NLRP14: variants seen among roughly 807,000 people sequenced by gnomAD.
NLRP14 encodes NLR family pyrin domain containing 14, also known as NACHT, LRR and PYD domains-containing protein 14.
In NLRP14, 105 loss-of-function variants were observed where a neutral mutation model predicts 94.7. The ratio of observed to expected loss-of-function variants is 1.11; its 90% confidence interval spans 0.95 to 1.30. The LOEUF (loss-of-function observed/expected upper bound fraction) is 1.30, where lower values mean the gene tolerates loss of function less well. Among genes scored for constraint, NLRP14 ranks in the 50% most tolerant of loss-of-function variants. The pLI, the probability that NLRP14 is intolerant of heterozygous loss-of-function variation, is 0.00. For missense variants in NLRP14, 1,362 were observed against 1,254.1 expected, an observed-to-expected ratio of 1.09 and a Z score of -1.30; for synonymous variants, 508 against 459.9, an observed-to-expected ratio of 1.10 and a Z score of -1.34.
the NLRP14 span, among the ~76,000 whole-genome samples, chr11:7,077,001 G>T: frequency 6.6e-6 from 1 of 152,202 alleles, no homozygotes; most frequent in Non-Finnish European, 1.5e-5. Flanking sequence ...ATCATGGGAA[G>T]CCCCGCAGAC....
intron 6 of NLRP14, among the ~76,000 whole-genome samples, chr11:7,056,900 A>G (rs1370562594): frequency 6.6e-6 from 1 of 152,018 alleles, no homozygotes; most frequent in African/African-American, 2.4e-5. Flanking sequence ...TTAAGATTTA[A>G]TTCTGGGCTT....
chr11:7,059,761 A>C, intron 8 of NLRP14, 133 bp from the exon 9 acceptor site: 1 of 758,422 alleles, frequency 1.3e-6, no homozygotes, highest in Non-Finnish European at 2.3e-6. Context: ...ACAGGCTGGC[A>C]GTGAGGGTGT....
At position 7,070,325 on chromosome 11, in the gene NLRP14, T is replaced by C. The variant is rs1852772877; in HGVS notation, c.3015T>C (p.Asp1005=). ...GTTTGACATCTCTCTGCTGTCAAGA[T>C]CTCTCCTCTGCTCTTATCTGCAACA... ...YCGLTSLCCQ[D]LSSALICNKR... is the part of the protein sequence containing the mutation. Residue 1005 remains aspartate (D), a synonymous_variant, in exon 11 of 12, where the codon GAT becomes GAC. Coordinates refer to ENST00000299481, the MANE Select transcript of NLRP14 (RefSeq NM_176822.4). 1 of 1,612,002 alleles carries C rather than the reference T, an allele frequency of 6.2e-7. No homozygotes were observed. Among genetic ancestry groups the C allele is most frequent in the Non-Finnish European group, 8.5e-7 (1 of 1,178,302 alleles).
chr11:7,041,318 G>T (rs1589861122), intron 3 of NLRP14, among the ~76,000 whole-genome samples: 1 of 152,074 alleles, frequency 6.6e-6, no homozygotes, highest in East Asian at 1.9e-4. Context: ...CATAAAGTGA[G>T]TTTCTCACTC....
At chr11:7,073,005 G>A (rs1852824871), downstream of NLRP14, among the ~76,000 whole-genome samples, 1 of 152,082 alleles carries the variant, frequency 6.6e-6, no homozygotes, top group African/African-American at 2.4e-5. Context: ...TGGCATTCCT[G>A]GGGGCCCTCT....
intron 8 of NLRP14, 70 bp downstream of exon 8, chr11:7,058,520 A>G (rs1452393468): frequency 8.6e-7 from 1 of 1,164,520 alleles, no homozygotes. Flanking sequence ...ATAGTAAAAT[A>G]TTATGAACAC....
At chr11:7,053,037 A>G (rs920415630) in intron 6 of NLRP14, among the ~76,000 whole-genome samples, 3 of 152,206 alleles carry the variant, frequency 2.0e-5, no homozygotes, top group African/African-American at 4.8e-5. Context: ...TAAGTGAACT[A>G]TCCTTTAAAG....
chr11:7,050,271 T>A (rs1447882400), intron 6 of NLRP14, among the ~76,000 whole-genome samples: 1 of 152,166 alleles, frequency 6.6e-6, no homozygotes, highest in African/African-American at 2.4e-5. Flanking sequence ...TGACTCCCCC[T>A]CAATTTAGAA....
chr11:7,068,784 A>G (rs772032046), intron 10 of NLRP14, among the ~76,000 whole-genome samples: 2 of 152,108 alleles, frequency 1.3e-5, no homozygotes, highest in Non-Finnish European at 2.9e-5. Flanking sequence ...ACGAGTAGCT[A>G]GGACTACAGG....
chr11:7,079,417 G>T, the NLRP14 span, among the ~76,000 whole-genome samples: 1 of 152,168 alleles, frequency 6.6e-6, no homozygotes, highest in African/African-American at 2.4e-5. Flanking sequence ...GCCATTAGTT[G>T]TAAAAGGAAT....
chr11:7,069,827 A>T (rs1308172764), intron 10 of NLRP14, among the ~76,000 whole-genome samples: 1 of 152,008 alleles, frequency 6.6e-6, no homozygotes, highest in African/African-American at 2.4e-5. Flanking sequence ...AGGTTTCACC[A>T]TGTTGGCCTG....
At chr11:7,047,080 A>G (rs963103399) in intron 5 of NLRP14, among the ~76,000 whole-genome samples, 7 of 152,340 alleles carry the variant, frequency 4.6e-5, no homozygotes, top group Non-Finnish European at 1.0e-4. Flanking sequence ...TTCTAAATGA[A>G]GAGCACAGAG....
At chr11:7,041,964 C>T (rs1852258489) in intron 3 of NLRP14, among the ~76,000 whole-genome samples, 2 of 148,256 alleles carry the variant, frequency 1.3e-5, no homozygotes, top group South Asian at 4.3e-4. Context: ...TTATTTTGAT[C>T]TGTAGATTCA....
chr11:7,064,297 A>G (rs1229014595), intron 10 of NLRP14, among the ~76,000 whole-genome samples: 3 of 152,130 alleles, frequency 2.0e-5, no homozygotes, highest in Admixed American at 2.0e-4. Context: ...GTAGTTCAGG[A>G]CCTGCTATGT....
At chr11:7,027,075 A>G (rs1253205519) in intron 1 of NLRP14, among the ~76,000 whole-genome samples, 4 of 152,002 alleles carry the variant, frequency 2.6e-5, no homozygotes, top group Non-Finnish European at 4.4e-5. Flanking sequence ...AAGCCTGTTC[A>G]TGTAGTCACT....
At chr11:7,023,831 C>T (rs1028765784) in intron 1 of NLRP14, among the ~76,000 whole-genome samples, 1 of 151,768 alleles carries the variant, frequency 6.6e-6, no homozygotes, top group Non-Finnish European at 1.5e-5. Context: ...GGAGAAGCAG[C>T]GAGAGAGGGA....
chr11:7,038,375 T>C (rs1852191052), intron 1 of NLRP14, among the ~76,000 whole-genome samples, 191 bp from the exon 2 acceptor site: 1 of 152,178 alleles, frequency 6.6e-6, no homozygotes, highest in South Asian at 2.1e-4. Context: ...AGTACAGTGG[T>C]CTATATCAGA....
intron 6 of NLRP14, among the ~76,000 whole-genome samples, chr11:7,056,285 G>T (rs1852513619): frequency 6.6e-6 from 1 of 151,688 alleles, no homozygotes; most frequent in African/African-American, 2.4e-5. Flanking sequence ...CTTAATAGTA[G>T]GTAAGGGTTG....
At chr11:7,029,597 A>G (rs1469646749) in intron 1 of NLRP14, among the ~76,000 whole-genome samples, 2 of 152,212 alleles carry the variant, frequency 1.3e-5, no homozygotes, top group Non-Finnish European at 2.9e-5. Flanking sequence ...CAGTATGAAT[A>G]TTTATACGGA....
Sources: allele counts gnomAD v4.1 joint callset (sites outside exome capture counted in the v4.1 genomes callset), GRCh38; gene constraint gnomAD v4.1.1; transcripts MANE v1.5; gene names NCBI Gene and HGNC (gene_info 2026-07-23, HGNC 2026-07-21).